PDE1A: variants seen among roughly 807,000 people sequenced by gnomAD.
PDE1A encodes the protein dual specificity calcium/calmodulin-dependent 3',5'-cyclic nucleotide phosphodiesterase 1A.
A neutral mutation model predicts 61.7 loss-of-function variants in PDE1A; 35 were observed. The observed-to-expected ratio is 0.57, with a 90% CI of 0.43 to 0.75. The LOEUF is 0.75. PDE1A is among the 30% of genes least tolerant of loss of function. The pLI is 0.00. For missense variants in PDE1A, 597 were observed against 630.6 expected (o/e 0.95, Z 0.57); for synonymous variants, 232 against 213.2 (o/e 1.09, Z -0.77).
At chr2:182,459,628 T>C (rs942368149) in intron 2 of PDE1A, among the ~76,000 whole-genome samples, 8 of 152,098 alleles carry the variant, frequency 5.3e-5, no homozygotes, top group African/African-American at 1.7e-4. Flanking sequence ...AGAGCATCAG[T>C]TGACTAAGCC....
At chr2:182,618,205 T>C in the PDE1A span, among the ~76,000 whole-genome samples, 6 of 152,190 alleles carry the variant, frequency 3.9e-5, no homozygotes, top group African/African-American at 1.4e-4. Context: ...GAGAAAAGAC[T>C]GCAAATTTCA....
the PDE1A span, among the ~76,000 whole-genome samples, chr2:182,588,745 T>C: frequency 1.3e-5 from 2 of 152,166 alleles, no homozygotes; most frequent in Admixed American, 6.6e-5. Flanking sequence ...AGGTAATAAT[T>C]TTAAATAATA....
chr2:182,716,469 C>T, the PDE1A span: 1 of 152,586 alleles, frequency 6.6e-6, no homozygotes, highest in East Asian at 1.9e-4. Context: ...CAGGAAGCGA[C>T]CCCGCGATGG....
At chr2:182,626,804 T>TATATATATACATATATATATAC in the PDE1A span, among the ~76,000 whole-genome samples, 3 of 15,972 alleles carry the variant, frequency 1.9e-4, 1 homozygote, top group Non-Finnish European at 4.3e-4. Context: ...TATATATACA[T>TATATATATACATATATATATAC]ATATATATAC....
At chr2:182,288,473 T>C (rs528143433) in intron 1 of PDE1A, among the ~76,000 whole-genome samples, 1 of 152,212 alleles carries the variant, frequency 6.6e-6, no homozygotes, top group African/African-American at 2.4e-5. Flanking sequence ...TACTTTTAAG[T>C]TCAGTCTGTA....
chr2:182,154,173 A>G lies in PDE1A; in HGVS notation c.1517-7021T>C, dbSNP rs1690939932. 7.2e-5 allele frequency among the ~76,000 whole-genome samples: 11 copies of G among 152,354 alleles called. No homozygotes were observed. The South Asian group carries it at 2.3e-3, about 32-fold the overall frequency. On this transcript the variant is annotated intron_variant, in intron 13 of 13. Transcript: ENST00000409365. ...GGATTAAGAAAACAAACAAACAACA[A>G]CAACAACAAAACAAACTTCAATTGC...
intron 2 of PDE1A, among the ~76,000 whole-genome samples, chr2:182,469,897 T>C (rs144252890): frequency 2.6e-5 from 4 of 151,956 alleles, no homozygotes; most frequent in Non-Finnish European, 4.4e-5. Flanking sequence ...AGCTGGCCAG[T>C]AGGAGCAATC....
At chr2:182,258,969 C>T (rs1329520714) in intron 2 of PDE1A, among the ~76,000 whole-genome samples, 1 of 152,160 alleles carries the variant, frequency 6.6e-6, no homozygotes, top group Non-Finnish European at 1.5e-5. Context: ...CACCAGCTGC[C>T]TGCACAATTT....
the PDE1A span, among the ~76,000 whole-genome samples, chr2:182,598,931 A>T: frequency 0.6 from 91,082 of 152,076 alleles, 28,778 homozygotes; most frequent in African/African-American, 0.79. Context: ...GGACTTCTGC[A>T]GGGAATTACT....
At chr2:182,268,673 C>G (rs554819136) in intron 1 of PDE1A, among the ~76,000 whole-genome samples, 1 of 152,154 alleles carries the variant, frequency 6.6e-6, no homozygotes, top group East Asian at 1.9e-4. Context: ...CATCTTAGAT[C>G]CCAGTGCTTC....
chr2:182,530,149 G>A, the PDE1A span, among the ~76,000 whole-genome samples: 1 of 152,096 alleles, frequency 6.6e-6, no homozygotes, highest in African/African-American at 2.4e-5. Context: ...TGAGTAATGA[G>A]GACCATCTAA....
At chr2:182,526,413 T>G (rs557714426), upstream of PDE1A, among the ~76,000 whole-genome samples, 1 of 152,098 alleles carries the variant, frequency 6.6e-6, no homozygotes, top group Non-Finnish European at 1.5e-5. Flanking sequence ...AAAATAAGGG[T>G]TTGGGTCTGT....
intron 8 of PDE1A, among the ~76,000 whole-genome samples, chr2:182,204,725 T>C (rs724851): frequency 0.21 from 31,665 of 152,186 alleles, 3,543 homozygotes; most frequent in East Asian, 0.32. Flanking sequence ...AGTGGGCTAT[T>C]AGTAGTTAAG....
intron 1 of PDE1A, among the ~76,000 whole-genome samples, chr2:182,289,447 A>G (rs1694379701): frequency 6.6e-6 from 1 of 152,102 alleles, no homozygotes; most frequent in Admixed American, 6.6e-5. Flanking sequence ...ATGCAGTGGT[A>G]ACATAGCAGC....
chr2:182,353,849 A>T (rs1184260408), intron 1 of PDE1A, among the ~76,000 whole-genome samples: 1 of 152,112 alleles, frequency 6.6e-6, no homozygotes, highest in Non-Finnish European at 1.5e-5. Context: ...ATTAAACTTA[A>T]TCTAATTTTA....
At chr2:182,203,439 T>TGG (rs1686840609) in intron 8 of PDE1A, among the ~76,000 whole-genome samples, 1 of 152,218 alleles carries the variant, frequency 6.6e-6, no homozygotes. Flanking sequence ...TACTTACTTT[T>TGG]ATTCAAGTAG....
the PDE1A span, among the ~76,000 whole-genome samples, chr2:182,626,685 AG>A: frequency 1.2e-5 from 1 of 81,082 alleles, no homozygotes; most frequent in Admixed American, 2.0e-4. Context: ...ATTGCCTTCG[AG>A]AAAAAAAAAA....
At chr2:182,253,047 G>A (rs1691516161) in intron 2 of PDE1A, among the ~76,000 whole-genome samples, 1 of 152,190 alleles carries the variant, frequency 6.6e-6, no homozygotes, top group Admixed American at 6.5e-5. Flanking sequence ...TCAGTGTTTT[G>A]AGGGTTACCT....
At chr2:182,248,637 T>G (rs1481236462) in intron 2 of PDE1A, among the ~76,000 whole-genome samples, 1 of 152,044 alleles carries the variant, frequency 6.6e-6, no homozygotes, top group Non-Finnish European at 1.5e-5. Flanking sequence ...GAAGGAGAGG[T>G]CATGGGATTT....
Sources: gnomAD v4.1 joint callset for allele counts (sites outside exome capture counted in the v4.1 genomes callset) on GRCh38, gnomAD v4.1.1 for gene constraint, MANE v1.5 for transcripts, NCBI Gene and HGNC (gene_info 2026-07-23, HGNC 2026-07-21) for gene names.